ADAMTS13: variants seen among roughly 807,000 people sequenced by gnomAD.
ADAMTS13 encodes the protein A disintegrin and metalloproteinase with thrombospondin motifs 13.
In ADAMTS13, 110 loss-of-function variants were observed where a neutral mutation model predicts 155.1. The observed-to-expected ratio is 0.71, with a 90% CI of 0.61 to 0.83. The LOEUF (loss-of-function observed/expected upper bound fraction) is 0.83. Ranked by LOEUF, ADAMTS13 falls within the 40% of genes least tolerant of loss-of-function variation. ADAMTS13 has a pLI of 0.00. For missense variants in ADAMTS13, 1,707 were observed against 1,891.7 expected (o/e 0.90, Z 1.81); for synonymous variants, 758 against 756.4 (o/e 1.00, Z -0.03).
chr9:133,454,594 G>A lies in ADAMTS13; in HGVS notation c.3224G>A (p.Arg1075His), dbSNP rs138770906. The A allele has an allele frequency of 1.4e-5, 23 of 1,604,092 alleles. No homozygotes were observed. The highest frequency in any genetic ancestry group is 1.4e-4 in the South Asian group (13 of 90,930). ...TGTCTCATTGCCGACTGCACCTACCGCTGGCATGTTGGCACCTGGATGGAG... is the reference window on the plus strand; with the variant it reads ...TGTCTCATTGCCGACTGCACCTACCACTGGCATGTTGGCACCTGGATGGAG... The part of the protein sequence containing the change: ...VPCLIADCTY[R>H]WHVGTWMECS... The change falls in exon 24 of 29, where the codon CGC becomes CAC. Residue 1075 changes from arginine (R) to histidine (H), a missense_variant. This residue lies in a region of ADAMTS13 where 961 missense variants were observed against 1,107.9 expected (regional missense o/e 0.87). Coordinates refer to ENST00000355699, the MANE Select transcript of ADAMTS13 (RefSeq NM_139027.6).
At chr9:133,428,891 T>G in intron 7 of ADAMTS13, 120 bp downstream of exon 7, 1 of 967,624 alleles carries the variant, frequency 1.0e-6, no homozygotes, top group Non-Finnish European at 1.2e-6. Context: ...GTCCCACCCC[T>G]CCGTCCAACC....
rs1056233134 is a variant in ADAMTS13, at chr9:133,454,540, C to T, written c.3170C>T (p.Ala1057Val). The T allele has an allele frequency of 1.6e-5, 26 of 1,609,600 alleles. No individual in the cohort carries two copies. The highest frequency in any genetic ancestry group is 5.3e-5 in the African/African-American group (4 of 74,936). Reference sequence around the variant, plus strand: ...GAGGTGGACGAGGCGGCCTGTGCGGCGCTGGTGCGGCCCGAGGCCAGTGTC... The same window carrying T: ...GAGGTGGACGAGGCGGCCTGTGCGGTGCTGGTGCGGCCCGAGGCCAGTGTC... ...DVEVDEAACAALVRPEASVPC... is the reference protein window; with the variant it reads ...DVEVDEAACAVLVRPEASVPC... Residue 1057 changes from alanine (A) to valine (V), a missense_variant, in exon 24 of 29, where the codon GCG becomes GTG. Ala to Val is a moderately conservative substitution (Grantham distance 64). Around this residue, in one of 3 missense-constraint regions of ADAMTS13, gnomAD observed 961 missense variants for 1,107.9 expected, o/e 0.87. Coordinates refer to ENST00000355699, the MANE Select transcript of ADAMTS13 (RefSeq NM_139027.6).
In ADAMTS13 at chr9:133,445,074, G is replaced by GT. The variant is rs1564432250; in HGVS notation, c.2610+23dup. The GT allele has an allele frequency of 1.2e-6, 2 of 1,609,316 alleles. No homozygotes were observed. The highest frequency in any genetic ancestry group is 3.3e-5 in the Admixed American group (2 of 59,774). On this transcript the variant is annotated intron_variant, in intron 20 of 28. Transcript: ENST00000355699. The surrounding 1 kb of genome is among the most constrained non-coding windows in gnomAD (Gnocchi z 5.0). ...CCATGTGAGTGCCCTGGGCATGAGG[G>GT]TGGCTGGGGCTGTTGAGTCCTTTAC...
chr9:133,422,551 G>C lies in ADAMTS13; in HGVS notation c.105+3G>C. On this transcript the variant is annotated splice_donor_region_variant and intron_variant, in intron 1 of 28. Transcript: ENST00000355699. ...GGGGACCCTCCCATTTCCAGCAGGT[G>C]GGCTCATTTGCAGGAGCGGGGGTAT... The C allele has an allele frequency of 6.2e-7, 1 of 1,613,982 alleles. No homozygotes were observed. The highest frequency in any genetic ancestry group is 8.5e-7 in the Non-Finnish European group (1 of 1,179,976).
intron 22 of ADAMTS13, among the ~76,000 whole-genome samples, chr9:133,449,046 A>T (rs901308410): frequency 1.3e-5 from 2 of 152,196 alleles, no homozygotes; most frequent in African/African-American, 4.8e-5. Flanking sequence ...CAGTGTCCTC[A>T]CCAGTGGGAG....
chr9:133,451,833 A>G (rs1251460732), intron 23 of ADAMTS13, among the ~76,000 whole-genome samples: 3 of 143,690 alleles, frequency 2.1e-5, no homozygotes, highest in East Asian at 2.2e-4. Flanking sequence ...TCAAGGCTGC[A>G]GTGAGCAGAG....
intron 10 of ADAMTS13, 50 bp from the exon 11 acceptor site, chr9:133,433,591 G>C (rs1554788177): frequency 6.2e-7 from 1 of 1,613,668 alleles, no homozygotes; most frequent in Non-Finnish European, 8.5e-7. Context: ...CCTAGTTGAA[G>C]GCAGTGGTCA....
chr9:133,456,565 C>G lies in ADAMTS13; in HGVS notation c.3570C>G (p.Gly1190=). ...CSAGDMLLLW[G]RLTWRKMCRK... ...TAGGGGACATGTTGCTGCTTTGGGG[C>G]CGGCTCACCTGGAGGAAGATGTGCA... The change falls in exon 27 of 29, where the codon GGC becomes GGG. Residue 1190 remains glycine (G), a synonymous_variant. Coordinates refer to ENST00000355699, the MANE Select transcript of ADAMTS13 (RefSeq NM_139027.6). The surrounding 1 kb of genome is among the most constrained non-coding windows in gnomAD (Gnocchi z 4.4). 6.2e-7 allele frequency: 1 copy of G among 1,613,470 alleles called. No individual in the cohort carries two copies. Among genetic ancestry groups the G allele is most frequent in the Non-Finnish European group, 8.5e-7 (1 of 1,179,942 alleles).
chr9:133,458,072 G>T lies in ADAMTS13; in HGVS notation c.3887G>T (p.Gly1296Val). Residue 1296 changes from glycine (G) to valine (V), a missense_variant, in exon 28 of 29, where the codon GGA (glycine) becomes GTA (valine). By Grantham distance (109) the Gly-to-Val change is moderately radical. Around this residue, in one of 3 missense-constraint regions of ADAMTS13, gnomAD observed 961 missense variants for 1,107.9 expected, o/e 0.87. Transcript: ENST00000355699. Reference sequence around the variant, plus strand: ...ACCAACATGGGCGCTGGGACCGAGGGAGCCAATGCCAGCTACATCTTGGTG... The same window carrying T: ...ACCAACATGGGCGCTGGGACCGAGGTAGCCAATGCCAGCTACATCTTGGTG... ...LATNMGAGTE[G>V]ANASYILIRD... 6.2e-7 allele frequency: 1 copy of T among 1,613,452 alleles called. No homozygotes were observed. Among genetic ancestry groups the T allele is most frequent in the African/African-American group, 1.3e-5 (1 of 75,064 alleles).
At chr9:133,433,337 G>C (rs587699075) in intron 9 of ADAMTS13, 41 bp from the exon 10 acceptor site, 2 of 1,610,542 alleles carry the variant, frequency 1.2e-6, no homozygotes, top group South Asian at 1.1e-5. Flanking sequence ...CTGTGGTGGG[G>C]TCACTGTGGG....
In ADAMTS13 at chr9:133,433,441, C is replaced by T. The variant is rs142214608; in HGVS notation, c.1156C>T (p.Arg386Cys). The T allele has an allele frequency of 1.9e-4, 301 of 1,613,340 alleles. 1 individual carries two copies. The African/African-American group carries it at 2.8e-3, about 15-fold the overall frequency. The change falls in exon 10 of 29, where the codon CGC (arginine) becomes TGC (cysteine). Residue 386 changes from arginine to cysteine, a missense_variant. By Grantham distance (180) the Arg-to-Cys change is radical. Transcript: ENST00000355699. Reference sequence around the variant, plus strand: ...GACCCCCATAGCAGCAGTGCATGGGCGCTGGTCTAGCTGGGGTCCCCGAAG... The same window carrying T: ...GACCCCCATAGCAGCAGTGCATGGGTGCTGGTCTAGCTGGGGTCCCCGAAG... The part of the protein sequence containing the change: ...ELTPIAAVHG[R>C]WSSWGPRSPC...
Position 133,438,341 on chromosome 9 carries a change from C to T in ADAMTS13, c.1680C>T (p.Gly560=), listed in dbSNP as rs1342348383. The T allele has an allele frequency of 1.5e-5, 24 of 1,613,946 alleles. No homozygotes were observed. Among genetic ancestry groups the T allele is most frequent in the Non-Finnish European group, 1.9e-5 (23 of 1,180,020 alleles). The change falls in exon 14 of 29, where the codon GGC becomes GGT. Residue 560 remains glycine (G), a synonymous_variant. Coordinates refer to ENST00000355699, the MANE Select transcript of ADAMTS13 (RefSeq NM_139027.6). ...ACAGCACGTGCAGCCCACGGAAGGGCTCTTTCACAGCTGGCAGAGCGAGAG... is the reference window on the plus strand; with the variant it reads ...ACAGCACGTGCAGCCCACGGAAGGGTTCTTTCACAGCTGGCAGAGCGAGAG... The part of the protein sequence containing the change: ...GDNSTCSPRK[G]SFTAGRAREY...
Position 133,456,520 on chromosome 9 carries a change from C to G in ADAMTS13, c.3548-23C>G. 6.2e-7 allele frequency: 1 copy of G among 1,611,162 alleles called. No individual in the cohort carries two copies. The highest frequency in any genetic ancestry group is 8.5e-7 in the Non-Finnish European group (1 of 1,179,364). On this transcript the variant is annotated intron_variant, in intron 26 of 28. Transcript: ENST00000355699. The surrounding 1 kb of genome is among the most constrained non-coding windows in gnomAD (Gnocchi z 4.4). The stretch of plus-strand genomic sequence containing the variant: ...TGACCAGGCGTGGGAGTGCTGGACC[C>G]TCACTGCCCTGCCGCTTCCTAGGGG...
intron 7 of ADAMTS13, among the ~76,000 whole-genome samples, chr9:133,429,163 C>T (rs1385975917): frequency 8.9e-6 from 1 of 112,032 alleles, no homozygotes; most frequent in Non-Finnish European, 1.9e-5. Flanking sequence ...GTCCCAACCC[C>T]TGCACCCACC....
At position 133,436,906 on chromosome 9, in the gene ADAMTS13, T is replaced by C. The variant is rs587634841; in HGVS notation, c.1386T>C (p.Pro462=). The C allele has an allele frequency of 2.5e-6, 4 of 1,586,628 alleles. No individual in the cohort carries two copies. In the African/African-American group the frequency reaches 4.0e-5, roughly 16 times the overall value. The part of the protein sequence containing the change: ...RTDGQPLRSS[P]GGASFYHWGA... ...ACGGCCAGCCGCTGCGCTCCTCCCCTGGCGGCGCCTCCTTCTACCACTGGG... is the reference window on the plus strand; with the variant it reads ...ACGGCCAGCCGCTGCGCTCCTCCCCCGGCGGCGCCTCCTTCTACCACTGGG... The change falls in exon 12 of 29, where the codon CCT becomes CCC. Residue 462 remains proline (P), a synonymous_variant. Transcript: ENST00000355699.
intron 22 of ADAMTS13, among the ~76,000 whole-genome samples, chr9:133,449,156 G>A (rs1554793495): frequency 6.6e-6 from 1 of 152,142 alleles, no homozygotes; most frequent in African/African-American, 2.4e-5. Flanking sequence ...ATGCATGCTC[G>A]ATGCAACGCG....
rs1466092212 is a variant in ADAMTS13 at position 133,424,475 on chromosome 9, C to G, written c.327C>G (p.Asn109Lys). ...AGCGCTATGTGCTCACCAACCTCAA[C>G]ATCGTGAGTGCCCCACGCTGGACTG... ...DTERYVLTNL[N>K]IGAELLRDPS... Residue 109 changes from asparagine to lysine, a missense_variant, in exon 3 of 29, where the codon AAC becomes AAG. Transcript: ENST00000355699. This position sits in a 1 kb window ranked among gnomAD's most constrained non-coding sequence, Gnocchi z 4.3. The G allele has an allele frequency of 4.3e-6, 7 of 1,613,104 alleles. No homozygotes were observed. The highest frequency in any genetic ancestry group is 5.9e-6 in the Non-Finnish European group (7 of 1,179,628).
chr9:133,423,929 T>C (rs1045281268), intron 2 of ADAMTS13, among the ~76,000 whole-genome samples: 8 of 152,258 alleles, frequency 5.3e-5, no homozygotes, highest in Non-Finnish European at 1.0e-4. Flanking sequence ...CAGTGAGGGC[T>C]GGCCTGGGCC....
chr9:133,445,595 C>A lies in ADAMTS13; in HGVS notation c.2611-104C>A, dbSNP rs924434450. 3.8e-6 allele frequency: 6 copies of A among 1,578,948 alleles called. No individual in the cohort carries two copies. The South Asian group carries it at 5.6e-5, about 15-fold the overall frequency. ...GGGGAGGGAGCCCCTGGTGCACACA[C>A]GCCACTTCCTGGTCTCTCTGCTGCT... On this transcript the variant is annotated intron_variant, in intron 20 of 28. Transcript: ENST00000355699. This position sits in a 1 kb window ranked among gnomAD's most constrained non-coding sequence, Gnocchi z 5.0.
Sources: allele counts gnomAD v4.1 joint callset (sites outside exome capture counted in the v4.1 genomes callset), GRCh38; gene constraint gnomAD v4.1.1; regional missense constraint gnomAD v4.1.1; non-coding constraint Gnocchi (gnomAD v3.1); transcripts MANE v1.5; gene names NCBI Gene and HGNC (gene_info 2026-07-23, HGNC 2026-07-21).